Variants in GALNT13 observed in about 807,000 individuals in gnomAD.
GALNT13 encodes the protein polypeptide N-acetylgalactosaminyltransferase 13, also known as UDP-GalNAc:polypeptide N-acetylgalactosaminyltransferase 13.
In GALNT13, 28 loss-of-function variants were observed where a neutral mutation model predicts 64.2. That is an observed-to-expected ratio of 0.44 (90% CI 0.32 to 0.60). The LOEUF is 0.60. Ranked by LOEUF, GALNT13 falls within the 20% of genes least tolerant of loss-of-function variation. The pLI, the probability that GALNT13 is intolerant of heterozygous loss-of-function variation, is 0.05. For synonymous variants in GALNT13, 214 were observed against 224.6 expected, an observed-to-expected ratio of 0.95 and a Z score of 0.42; for missense variants, 577 against 669.8, an observed-to-expected ratio of 0.86 and a Z score of 1.53.
chr2:153,276,742 G>A, the GALNT13 span, among the ~76,000 whole-genome samples: 17 of 151,958 alleles, frequency 1.1e-4, no homozygotes, highest in South Asian at 4.2e-4. Context: ...ATTTTTATCC[G>A]TCTTCTTTGT....
chr2:154,428,650 T>C (rs912311134), intron 11 of GALNT13, among the ~76,000 whole-genome samples: 5 of 152,212 alleles, frequency 3.3e-5, no homozygotes, highest in Non-Finnish European at 7.3e-5. Flanking sequence ...ATGGAGCATG[T>C]CTATTGGCTT....
At chr2:153,508,770 C>A in the GALNT13 span, among the ~76,000 whole-genome samples, 1 of 152,166 alleles carries the variant, frequency 6.6e-6, no homozygotes, top group Non-Finnish European at 1.5e-5. Context: ...TGCGGTAGTT[C>A]TTGGAGCAAA....
At chr2:153,611,361 T>C in the GALNT13 span, among the ~76,000 whole-genome samples, 7 of 152,038 alleles carry the variant, frequency 4.6e-5, no homozygotes, top group African/African-American at 1.7e-4. Context: ...CCGTCCGCCT[T>C]TTTTTAATTT....
chr2:153,922,798 A>C (rs1689845232), intron 2 of GALNT13, among the ~76,000 whole-genome samples: 1 of 152,098 alleles, frequency 6.6e-6, no homozygotes, highest in African/African-American at 2.4e-5. Context: ...GATAAATGGA[A>C]ATGAATATTT....
chr2:153,776,883 A>G, the GALNT13 span, among the ~76,000 whole-genome samples: 3 of 152,122 alleles, frequency 2.0e-5, no homozygotes, highest in East Asian at 1.9e-4. Flanking sequence ...TCCTTGGCCA[A>G]CGCTGCTTTT....
chr2:153,988,803 T>A (rs1291974885), intron 3 of GALNT13, among the ~76,000 whole-genome samples: 1 of 151,966 alleles, frequency 6.6e-6, no homozygotes. Context: ...TTTGGAGTAT[T>A]TATTTATATT....
At chr2:153,629,171 T>G in the GALNT13 span, among the ~76,000 whole-genome samples, 1 of 151,012 alleles carries the variant, frequency 6.6e-6, no homozygotes, top group Admixed American at 6.6e-5. Context: ...TAGTTTGTAT[T>G]TCTGTGGGAT....
chr2:154,258,986 A>C (rs1186765364), intron 7 of GALNT13, 35 bp from the exon 8 acceptor site: 1 of 1,110,420 alleles, frequency 9.0e-7, no homozygotes, highest in Admixed American at 1.7e-5. Flanking sequence ...TTGTTTTCAA[A>C]AGATATTCTT....
chr2:153,184,108 A>G, the GALNT13 span, among the ~76,000 whole-genome samples: 1 of 152,154 alleles, frequency 6.6e-6, no homozygotes, highest in Non-Finnish European at 1.5e-5. Context: ...CCATGAGCGT[A>G]GAATACTTTT....
At chr2:153,772,494 G>C in the GALNT13 span, among the ~76,000 whole-genome samples, 4 of 152,270 alleles carry the variant, frequency 2.6e-5, no homozygotes, top group South Asian at 4.1e-4. Flanking sequence ...TCACGGGGCT[G>C]CTTGCCCACT....
At chr2:153,219,629 TA>T in the GALNT13 span, among the ~76,000 whole-genome samples, 2 of 152,258 alleles carry the variant, frequency 1.3e-5, no homozygotes, top group African/African-American at 4.8e-5. Flanking sequence ...CACTCATTTT[TA>T]TAGTGTACAA....
chr2:153,415,710 A>G, the GALNT13 span, among the ~76,000 whole-genome samples: 1 of 152,136 alleles, frequency 6.6e-6, no homozygotes, highest in South Asian at 2.1e-4. Flanking sequence ...TTTTGCTAAA[A>G]TGGACTTTAA....
chr2:153,392,512 T>C, the GALNT13 span, among the ~76,000 whole-genome samples: 2 of 152,076 alleles, frequency 1.3e-5, no homozygotes, highest in African/African-American at 4.8e-5. Context: ...CTGAGCTTGT[T>C]GACAGGGTTT....
the GALNT13 span, among the ~76,000 whole-genome samples, chr2:153,297,126 G>C: frequency 6.6e-6 from 1 of 152,124 alleles, no homozygotes; most frequent in African/African-American, 2.4e-5. Flanking sequence ...ACTTTTAAAA[G>C]CTTACTTTGA....
chr2:153,410,660 T>C, the GALNT13 span, among the ~76,000 whole-genome samples: 1 of 152,112 alleles, frequency 6.6e-6, no homozygotes, highest in Non-Finnish European at 1.5e-5. Context: ...TAAAAAAGTT[T>C]TTCTAAAGAT....
chr2:153,691,418 G>A, the GALNT13 span, among the ~76,000 whole-genome samples: 1 of 152,040 alleles, frequency 6.6e-6, no homozygotes, highest in Non-Finnish European at 1.5e-5. Flanking sequence ...GGCTTTTGAT[G>A]TATGCTCCTT....
chr2:153,266,221 C>G, the GALNT13 span, among the ~76,000 whole-genome samples: 2 of 152,068 alleles, frequency 1.3e-5, no homozygotes, highest in African/African-American at 2.4e-5. Flanking sequence ...TGCCTAATAC[C>G]TATTGGATAA....
the GALNT13 span, among the ~76,000 whole-genome samples, chr2:153,486,663 T>A: frequency 6.6e-6 from 1 of 152,002 alleles, no homozygotes; most frequent in Non-Finnish European, 1.5e-5. Context: ...ATGTAATAAC[T>A]CACCCCAAGC....
the GALNT13 span, among the ~76,000 whole-genome samples, chr2:153,831,917 G>T: frequency 6.6e-6 from 1 of 152,106 alleles, no homozygotes; most frequent in Non-Finnish European, 1.5e-5. Flanking sequence ...TAATTATGAG[G>T]TACTTTATAT....
Sources: gnomAD v4.1 joint callset for allele counts (sites outside exome capture counted in the v4.1 genomes callset) on GRCh38, gnomAD v4.1.1 for gene constraint, MANE v1.5 for transcripts, NCBI Gene and HGNC (gene_info 2026-07-23, HGNC 2026-07-21) for gene names.